The following MLLT1 variants were observed in gnomAD, a reference collection of about 807,000 sequenced individuals.
MLLT1 encodes the protein MLLT1 super elongation complex subunit.
In MLLT1, 11 loss-of-function variants were observed where a neutral mutation model predicts 55.1. That is an observed-to-expected ratio of 0.20 (90% CI 0.13 to 0.33). MLLT1 has a LOEUF of 0.33. Among genes scored for constraint, MLLT1 ranks in the 10% least tolerant of loss-of-function variants. The pLI, the probability that MLLT1 is intolerant of heterozygous loss-of-function variation, is 1.00. For missense variants in MLLT1, 536 were observed against 760.6 expected, an observed-to-expected ratio of 0.70 and a Z score of 3.47; for synonymous variants, 323 against 320.1, an observed-to-expected ratio of 1.01 and a Z score of -0.10.
chr19:6,238,839 T>C (rs2091087479), intron 3 of MLLT1, among the ~76,000 whole-genome samples: 2 of 151,882 alleles, frequency 1.3e-5, no homozygotes, highest in Admixed American at 6.6e-5. Flanking sequence ...AAACGCCTCC[T>C]CCGCCAGGGC....
At position 6,227,350 on chromosome 19, in the gene MLLT1, G is replaced by A. The variant is rs565528277; in HGVS notation, c.421-248C>T. 7.2e-5 allele frequency among the ~76,000 whole-genome samples: 11 copies of A among 152,346 alleles called. No individual in the cohort carries two copies. The highest frequency in any genetic ancestry group is 2.1e-4 in the South Asian group (1 of 4,826). ...TGGCTGGGACCAGGTGGGGCCACGCGGCCTTCCGGGAACAGTGGACCGGAG... is the reference window on the plus strand; with the variant it reads ...TGGCTGGGACCAGGTGGGGCCACGCAGCCTTCCGGGAACAGTGGACCGGAG... On this transcript the variant is annotated intron_variant, in intron 4 of 11. Transcript: ENST00000252674. This position sits in a 1 kb window ranked among gnomAD's most constrained non-coding sequence, Gnocchi z 5.1.
chr19:6,265,061 A>C (rs1378913634), intron 2 of MLLT1, among the ~76,000 whole-genome samples: 7 of 138,964 alleles, frequency 5.0e-5, no homozygotes, highest in African/African-American at 1.7e-4. Flanking sequence ...AAAAAACAAA[A>C]AAACAAAAAA....
rs566924292 is a variant in MLLT1, at chr19:6,242,924, C to T, written c.277-12211G>A. 3.5e-4 allele frequency among the ~76,000 whole-genome samples: 53 copies of T among 152,346 alleles called. 1 individual carries two copies. The highest frequency in any genetic ancestry group is 3.1e-3 in the Admixed American group (48 of 15,304). On this transcript the variant is annotated intron_variant, in intron 3 of 11. Transcript: ENST00000252674. ...TGACAGCAGCTCTCTCTGCCCCTCT[C>T]GGTTTTGCCAAGCACACCAAGCCAG...
intron 8 of MLLT1, among the ~76,000 whole-genome samples, chr19:6,214,413 G>C (rs534928082): frequency 4.6e-5 from 7 of 152,288 alleles, no homozygotes; most frequent in African/African-American, 1.7e-4. Context: ...TCTTCTCCCA[G>C]CACTGCCCTA....
intron 3 of MLLT1, among the ~76,000 whole-genome samples, chr19:6,257,861 C>T (rs564800883): frequency 1.3e-5 from 2 of 152,234 alleles, no homozygotes; most frequent in African/African-American, 4.8e-5. Flanking sequence ...GAAAGAGATA[C>T]GTGCAGCCAG....
intron 3 of MLLT1, among the ~76,000 whole-genome samples, chr19:6,252,355 G>C (rs181391268): frequency 6.6e-6 from 1 of 152,152 alleles, no homozygotes; most frequent in African/African-American, 2.4e-5. Flanking sequence ...GGCCTGTCAC[G>C]GGACTTCTCG....
intron 3 of MLLT1, among the ~76,000 whole-genome samples, chr19:6,236,722 C>T (rs920538735): frequency 6.6e-6 from 1 of 152,168 alleles, no homozygotes; most frequent in Non-Finnish European, 1.5e-5. Context: ...GGCTGCGGAC[C>T]CCTTCCTGGC....
At chr19:6,234,163 G>A (rs1233192156) in intron 3 of MLLT1, among the ~76,000 whole-genome samples, 6 of 152,262 alleles carry the variant, frequency 3.9e-5, no homozygotes, top group African/African-American at 9.6e-5. Context: ...TGGACCGCCA[G>A]GAGCACGCGT....
chr19:6,213,250 C>A, intron 11 of MLLT1, 80 bp from the exon 12 acceptor site: 1 of 1,607,126 alleles, frequency 6.2e-7, no homozygotes, highest in Non-Finnish European at 8.5e-7. Flanking sequence ...GGTAGGGGCT[C>A]CTGGGGCAGC....
Position 6,230,290 on chromosome 19 carries a change from C to A in MLLT1, c.420+280G>T, listed in dbSNP as rs1479278383. The stretch of plus-strand genomic sequence containing the variant: ...GGCCCAGCCACGCGGTCAGACCAGC[C>A]TCGCGCCCATCCCTTCCCAGCACTT... On this transcript the variant is annotated intron_variant, in intron 4 of 11. Coordinates refer to ENST00000252674, the MANE Select transcript of MLLT1 (RefSeq NM_005934.4). The surrounding 1 kb of genome is among the most constrained non-coding windows in gnomAD (Gnocchi z 9.0). 6.6e-6 allele frequency among the ~76,000 whole-genome samples: 1 copy of A among 152,222 alleles called. No homozygotes were observed. Among genetic ancestry groups the A allele is most frequent in the African/African-American group, 2.4e-5 (1 of 41,454 alleles).
intron 10 of MLLT1, 26 bp from the exon 11 acceptor site, chr19:6,213,434 A>C: frequency 1.9e-6 from 3 of 1,574,212 alleles, no homozygotes; most frequent in Non-Finnish European, 2.6e-6. Flanking sequence ...AGGTCTCAGC[A>C]GCGTGTGGGG....
chr19:6,253,926 T>C (rs2091238586), intron 3 of MLLT1, among the ~76,000 whole-genome samples: 1 of 152,162 alleles, frequency 6.6e-6, no homozygotes, highest in East Asian at 1.9e-4. Flanking sequence ...TAGAAGCCTG[T>C]TTTGTTTTAA....
intron 1 of MLLT1, among the ~76,000 whole-genome samples, chr19:6,275,448 C>A (rs1462587276): frequency 6.6e-6 from 1 of 152,156 alleles, no homozygotes; most frequent in Admixed American, 6.5e-5. Flanking sequence ...CAACATGAGA[C>A]CCAATAAAAC....
chr19:6,223,401 G>C (rs545031612), intron 5 of MLLT1, among the ~76,000 whole-genome samples: 4 of 152,184 alleles, frequency 2.6e-5, no homozygotes, highest in Non-Finnish European at 5.9e-5. Context: ...CGGAAACCCC[G>C]GGGGTTTAGG....
rs912216870 is a variant in MLLT1 at position 6,240,360 on chromosome 19, C to T, written c.277-9647G>A. Among the ~76,000 whole-genome samples the T allele has an allele frequency of 2.0e-5, 3 of 152,244 alleles. No individual in the cohort carries two copies. Among genetic ancestry groups the T allele is most frequent in the African/African-American group, 7.2e-5 (3 of 41,476 alleles). On this transcript the variant is annotated intron_variant, in intron 3 of 11. Transcript: ENST00000252674. The surrounding 1 kb of genome is among the most constrained non-coding windows in gnomAD (Gnocchi z 4.7). ...GTTTTCTTCTTGTACCCCTGAACTTCAAACTCCACTGTGGAGCACGCTGCC... is the reference window on the plus strand; with the variant it reads ...GTTTTCTTCTTGTACCCCTGAACTTTAAACTCCACTGTGGAGCACGCTGCC...
intron 3 of MLLT1, among the ~76,000 whole-genome samples, chr19:6,234,449 G>A (rs548565787): frequency 1.4e-4 from 22 of 152,370 alleles, no homozygotes; most frequent in African/African-American, 2.9e-4. Context: ...AAAGGGGAAC[G>A]AGGTGGGGGA....
intron 3 of MLLT1, among the ~76,000 whole-genome samples, chr19:6,245,401 GT>G (rs896358642): frequency 2.7e-5 from 4 of 148,232 alleles, no homozygotes; most frequent in African/African-American, 9.9e-5. Context: ...CCTTAAAAAA[GT>G]TTTTTTAATA....
At chr19:6,223,514 C>A (rs1329697200) in intron 5 of MLLT1, among the ~76,000 whole-genome samples, 3 of 152,174 alleles carry the variant, frequency 2.0e-5, no homozygotes, top group Non-Finnish European at 4.4e-5. Flanking sequence ...CTGTGACCTG[C>A]ACACCACAGG....
In MLLT1 at chr19:6,227,226, C is replaced by G. The variant is rs1467230142; in HGVS notation, c.421-124G>C. On this transcript the variant is annotated intron_variant, in intron 4 of 11. Coordinates refer to ENST00000252674, the MANE Select transcript of MLLT1 (RefSeq NM_005934.4). The surrounding 1 kb of genome is among the most constrained non-coding windows in gnomAD (Gnocchi z 5.1). ...AGAAGGGAGAGCCTGAGCGCTTTCC[C>G]GAAAGAATCCCAGGTGCTTCCCTGC... The G allele has an allele frequency of 1.2e-5, 12 of 1,009,696 alleles. No individual in the cohort carries two copies. The South Asian group carries it at 2.2e-4, about 18-fold the overall frequency. The allele number at this position is 1,009,696 out of a possible 1,614,324, so 62.5% of individuals were successfully genotyped here. A position where few individuals can be genotyped will look rare whatever the true frequency, so the allele number is the denominator to read the frequency against.
Sources: gnomAD v4.1 joint callset for allele counts (sites outside exome capture counted in the v4.1 genomes callset) on GRCh38, gnomAD v4.1.1 for gene constraint, Gnocchi (gnomAD v3.1) non-coding constraint, MANE v1.5 for transcripts, NCBI Gene and HGNC (gene_info 2026-07-23, HGNC 2026-07-21) for gene names.